Variants in BIRC5 observed in about 807,000 individuals in gnomAD.
BIRC5 encodes baculoviral IAP repeat-containing protein 5.
BIRC5 carries 8 observed loss-of-function variants against 15.8 expected under a neutral mutation model. The observed-to-expected ratio is 0.51, with a 90% CI of 0.30 to 0.91. The LOEUF (loss-of-function observed/expected upper bound fraction) is 0.91. Ranked by LOEUF, BIRC5 falls within the 40% of genes least tolerant of loss-of-function variation. The pLI is 0.07. For synonymous variants in BIRC5, 56 were observed against 64.5 expected (o/e 0.87, Z 0.63); for missense variants, 163 against 178.6 (o/e 0.91, Z 0.50).
intron 1 of BIRC5, 80 bp from the exon 2 acceptor site, chr17:78,214,600 G>T (rs1051088655): frequency 4.3e-6 from 6 of 1,389,190 alleles, no homozygotes; most frequent in Non-Finnish European, 4.9e-6. Context: ...TCCCTGCTTT[G>T]TCCCCATCGA....
rs369843917 is a variant in BIRC5 at position 78,216,791 on chromosome 17, G to T, written c.339+10G>T. 4 of 1,602,008 alleles carry T rather than the reference G, an allele frequency of 2.5e-6. No homozygotes were observed. The highest frequency in any genetic ancestry group is 1.3e-5 in the African/African-American group (1 of 74,682). On this transcript the variant is annotated intron_variant, in intron 3 of 3. Transcript: ENST00000350051. ...AGCCAAGAACAAAATTGTATGTATT[G>T]GGAATAAGAACTGCTCAAACCCTGT...
chr17:78,217,226 A>G (rs2076485082), intron 3 of BIRC5, among the ~76,000 whole-genome samples: 1 of 148,646 alleles, frequency 6.7e-6, no homozygotes, highest in Non-Finnish European at 1.5e-5. Context: ...CCCAGGCTGG[A>G]GTGGGGTGGC....
At chr17:78,222,864 C>T (rs951665735) in intron 3 of BIRC5, 6 of 1,535,946 alleles carry the variant, frequency 3.9e-6, no homozygotes, top group Non-Finnish European at 5.2e-6. Flanking sequence ...AAATTGGAAG[C>T]CAGATTCAGG....
chr17:78,220,621 T>C (rs1239387063), intron 3 of BIRC5, among the ~76,000 whole-genome samples: 2 of 152,202 alleles, frequency 1.3e-5, no homozygotes, highest in African/African-American at 2.4e-5. Flanking sequence ...TTGGCTTTTA[T>C]TTTGAACTGT....
intron 3 of BIRC5, among the ~76,000 whole-genome samples, chr17:78,218,439 A>G (rs1464899655): frequency 2.8e-5 from 4 of 143,260 alleles, no homozygotes; most frequent in African/African-American, 5.2e-5. Flanking sequence ...GACTACAGGC[A>G]CGCACCACCA....
rs907980920 is a variant in BIRC5 at position 78,225,175 on chromosome 17, T to C, written c.*1621T>C. 1.1e-4 allele frequency: 17 copies of C among 152,312 alleles called. 1 individual carries two copies. The highest frequency in any genetic ancestry group is 4.1e-4 in the African/African-American group (17 of 41,554). 9.4% of individuals were successfully genotyped at this position (152,312 alleles called of 1,614,324 possible). ...TTTGCATGCCAGGCGGTGATGTGGA[T>C]CTCGGCTTCTGTGAGCCTGTGCTGT... On this transcript the variant is annotated 3_prime_UTR_variant, in exon 4 of 4. Transcript: ENST00000350051.
At position 78,223,740 on chromosome 17, in the gene BIRC5, C is replaced by T; in HGVS notation, c.*186C>T. 2 of 1,315,338 alleles carry T rather than the reference C, an allele frequency of 1.5e-6. No homozygotes were observed. The highest frequency in any genetic ancestry group is 2.0e-6 in the Non-Finnish European group (2 of 1,001,586). 81.5% of individuals were successfully genotyped at this position (1,315,338 alleles called of 1,614,324 possible). A position where few individuals can be genotyped will look rare whatever the true frequency, so the allele number is the denominator to read the frequency against. On this transcript the variant is annotated 3_prime_UTR_variant, in exon 4 of 4. Coordinates refer to ENST00000350051, the MANE Select transcript of BIRC5 (RefSeq NM_001168.3). ...AAAGTGGCACCAGAGGTGCTTCTGC[C>T]TGTGCAGCGGGTGCTGCTGGTAACA... is the stretch of plus-strand genomic sequence containing the variant.
chr17:78,218,289 T>A (rs2076493600), intron 3 of BIRC5, among the ~76,000 whole-genome samples: 1 of 151,428 alleles, frequency 6.6e-6, no homozygotes, highest in Admixed American at 6.6e-5. Flanking sequence ...TTTATTTATT[T>A]ATTTATTTTT....
chr17:78,215,757 A>C (rs959825531), intron 2 of BIRC5, among the ~76,000 whole-genome samples: 10 of 152,190 alleles, frequency 6.6e-5, no homozygotes, highest in African/African-American at 2.4e-4. Context: ...CTTGAAAATG[A>C]ATAAGTGTTA....
Position 78,217,955 on chromosome 17 carries a change from CTTATTTATTTAT to C in BIRC5, c.339+1197_339+1208del, listed in dbSNP as rs201966373. ...TACAGGCGCACCCCACCATGCCCAC[CTTATTTATTTAT>C]TTATTTATTTATTTATTTATTTTCA... On this transcript the variant is annotated intron_variant, in intron 3 of 3. Transcript: ENST00000350051. 1.3e-4 allele frequency among the ~76,000 whole-genome samples: 19 copies of C among 150,782 alleles called. No individual in the cohort carries two copies. The South Asian group carries it at 2.9e-3, about 23-fold the overall frequency.
At chr17:78,220,300 C>T (rs1050784153) in intron 3 of BIRC5, among the ~76,000 whole-genome samples, 5 of 152,028 alleles carry the variant, frequency 3.3e-5, no homozygotes, top group African/African-American at 4.8e-5. Flanking sequence ...TGGTGGCGGG[C>T]GCCTGTAGTC....
At chr17:78,217,955 CT>C (rs374328143) in intron 3 of BIRC5, among the ~76,000 whole-genome samples, 91,467 of 150,666 alleles carry the variant, frequency 0.61, 28,088 homozygotes, top group Middle Eastern at 0.75. Context: ...CCATGCCCAC[CT>C]TATTTATTTA....
intron 2 of BIRC5, 179 bp from the exon 3 acceptor site, chr17:78,216,485 G>A: frequency 1.7e-6 from 1 of 595,050 alleles, no homozygotes; most frequent in Non-Finnish European, 3.1e-6. Context: ...GTGCTAAGAG[G>A]TGCCATATGG....
At chr17:78,215,988 G>A (rs772161908) in intron 2 of BIRC5, 7 of 1,062,960 alleles carry the variant, frequency 6.6e-6, no homozygotes, top group East Asian at 7.8e-5. Context: ...GGTGGCTTAC[G>A]CCTGTAATAC....
intron 3 of BIRC5, among the ~76,000 whole-genome samples, chr17:78,221,463 G>T (rs184698350): frequency 2.3e-4 from 34 of 150,770 alleles, no homozygotes; most frequent in Admixed American, 2.3e-3. Flanking sequence ...ATCTCACTCT[G>T]TCGCCCAGGC....
rs574477138 is a variant in BIRC5, at chr17:78,220,992, C to T, written c.340-2473C>T. On this transcript the variant is annotated intron_variant, in intron 3 of 3. Coordinates refer to ENST00000350051, the MANE Select transcript of BIRC5 (RefSeq NM_001168.3). Reference sequence around the variant, plus strand: ...CTGCCTTGCCAGGGTGCCAGGAGGGCGCTGCTGTGGAAGCTGAGGCCCGGC... The same window carrying T: ...CTGCCTTGCCAGGGTGCCAGGAGGGTGCTGCTGTGGAAGCTGAGGCCCGGC... Among the ~76,000 whole-genome samples, 5 of 152,186 alleles carry T rather than the reference C, an allele frequency of 3.3e-5. No individual in the cohort carries two copies. The East Asian group carries it at 9.6e-4, about 29-fold the overall frequency.
In BIRC5 at chr17:78,214,327, C is replaced by T. The variant is rs1191756732; in HGVS notation, c.11C>T (p.Pro4Leu). 6.2e-7 allele frequency: 1 copy of T among 1,606,708 alleles called. No individual in the cohort carries two copies. The highest frequency in any genetic ancestry group is 2.3e-5 in the East Asian group (1 of 44,102). Residue 4 changes from proline (P) to leucine (L), a missense_variant, in exon 1 of 4, where the codon CCG becomes CTG. Transcript: ENST00000350051. ...GGTGGCGGCGGCGGCATGGGTGCCC[C>T]GACGTTGCCCCCTGCCTGGCAGCCC... Reference protein sequence around the residue: MGAPTLPPAWQPFL... With the variant: MGALTLPPAWQPFL...
rs869059103 is a variant in BIRC5 at position 78,223,019 on chromosome 17, C to CTGCCTAGACTAGCTGGGG, written c.340-423_340-406dup. The CTGCCTAGACTAGCTGGGG allele has an allele frequency of 9.5e-5, 137 of 1,437,728 alleles. 1 individual carries two copies. The highest frequency in any genetic ancestry group is 1.7e-4 in the Admixed American group (6 of 34,560). 89.1% of individuals were successfully genotyped at this position (1,437,728 alleles called of 1,614,324 possible). Reference sequence around the variant, plus strand: ...TAGGGCAGTGGTTAAGAGCAGAGCTCTGCCTAGACTAGCTGGGGTGCCTAG... The same window carrying CTGCCTAGACTAGCTGGGG: ...TAGGGCAGTGGTTAAGAGCAGAGCTCTGCCTAGACTAGCTGGGGTGCCTAGACTAGCTGGGGTGCCTAG... On this transcript the variant is annotated intron_variant, in intron 3 of 3. Coordinates refer to ENST00000350051, the MANE Select transcript of BIRC5 (RefSeq NM_001168.3).
intron 3 of BIRC5, among the ~76,000 whole-genome samples, chr17:78,221,967 C>G (rs986015612): frequency 1.3e-5 from 2 of 152,088 alleles, no homozygotes; most frequent in African/African-American, 4.8e-5. Context: ...GAGGCCAAGG[C>G]AGGAGGATTC....
Sources: allele counts gnomAD v4.1 joint callset (sites outside exome capture counted in the v4.1 genomes callset), GRCh38; gene constraint gnomAD v4.1.1; transcripts MANE v1.5; gene names NCBI Gene and HGNC (gene_info 2026-07-23, HGNC 2026-07-21).